The following GAPVD1 variants were observed in gnomAD, a reference collection of about 807,000 sequenced individuals.
The protein encoded by GAPVD1 is GTPase-activating protein and VPS9 domain-containing protein 1.
A neutral mutation model predicts 155.5 loss-of-function variants in GAPVD1; 35 were observed. The ratio of observed to expected loss-of-function variants is 0.23; its 90% CI spans 0.17 to 0.30. The LOEUF (loss-of-function observed/expected upper bound fraction) is 0.30, where lower values mean the gene tolerates loss of function less well. Ranked by LOEUF, GAPVD1 falls within the 10% of genes least tolerant of loss-of-function variation. GAPVD1 has a pLI of 1.00. For synonymous variants in GAPVD1, 636 were observed against 619.7 expected, an observed-to-expected ratio of 1.03 and a Z score of -0.39; for missense variants, 1,429 against 1,775.7, an observed-to-expected ratio of 0.80 and a Z score of 3.51.
chr9:125,283,179 C>A lies in GAPVD1; in HGVS notation c.-149-12279C>A, dbSNP rs370776411. Among the ~76,000 whole-genome samples, 32 of 151,662 alleles carry A rather than the reference C, an allele frequency of 2.1e-4. No individual in the cohort carries two copies. In the East Asian group the frequency reaches 6.0e-3, roughly 29 times the overall value. ...GGTTCAAGCAATTCTCCTGCCTCAG[C>A]CTTCTGAGTAGCTGGGATTACAGGC... On this transcript the variant is annotated intron_variant, in intron 2 of 27. Transcript: ENST00000297933.
Position 125,354,680 on chromosome 9 carries a change from T to A in GAPVD1, c.3596T>A (p.Leu1199His). The A allele has an allele frequency of 6.2e-7, 1 of 1,613,262 alleles. No individual in the cohort carries two copies. ...AAAAGAGCCCCATATATTGCTTATC[T>A]CACTCGTTGTCGACAAGGACTACAG... is the stretch of plus-strand genomic sequence containing the variant. ...YRKRAPYIAY[L>H]TRCRQGLQTT... The change falls in exon 24 of 28, where the codon CTC (leucine) becomes CAC (histidine). Residue 1199 changes from leucine to histidine, a missense_variant. Physicochemically the swap from Leu to His is moderately conservative, Grantham distance 99. Coordinates refer to ENST00000297933, the MANE Select transcript of GAPVD1 (RefSeq NM_001282680.3).
At chr9:125,270,509 A>G (rs954143455) in intron 2 of GAPVD1, among the ~76,000 whole-genome samples, 9 of 152,168 alleles carry the variant, frequency 5.9e-5, no homozygotes, top group Non-Finnish European at 8.8e-5. Context: ...TTCAATATGT[A>G]TTATGATTTT....
At chr9:125,357,912 T>G (rs1436295680) in intron 25 of GAPVD1, among the ~76,000 whole-genome samples, 1 of 150,242 alleles carries the variant, frequency 6.7e-6, no homozygotes, top group Non-Finnish European at 1.5e-5. Context: ...GAGGCAGAGG[T>G]TGCAGAGAGC....
intron 9 of GAPVD1, among the ~76,000 whole-genome samples, chr9:125,319,203 C>T (rs896464794): frequency 2.0e-4 from 6 of 29,728 alleles, no homozygotes; most frequent in East Asian, 2.4e-3. Flanking sequence ...AATAATAATA[C>T]GAAGAACTAA....
chr9:125,318,485 G>GA (rs1243132989), intron 9 of GAPVD1, among the ~76,000 whole-genome samples: 2 of 152,074 alleles, frequency 1.3e-5, no homozygotes, highest in African/African-American at 4.8e-5. Context: ...ATATGATTTG[G>GA]AAAAAATATC....
chr9:125,266,074 C>T lies in GAPVD1; in HGVS notation c.-198-2862C>T, dbSNP rs74348564. Reference sequence around the variant, plus strand: ...AAGATAGGCGTACTCTATAATTTCACGTCTATAAGGGATTATGAATGGGAG... The same window carrying T: ...AAGATAGGCGTACTCTATAATTTCATGTCTATAAGGGATTATGAATGGGAG... On this transcript the variant is annotated intron_variant, in intron 1 of 27. Transcript: ENST00000297933. Among the ~76,000 whole-genome samples the T allele has an allele frequency of 5.0e-4, 75 of 150,152 alleles. No individual in the cohort carries two copies. In the East Asian group the frequency reaches 0.013, roughly 26 times the overall value.
chr9:125,316,075 A>G (rs901760244), intron 9 of GAPVD1, among the ~76,000 whole-genome samples: 2 of 152,226 alleles, frequency 1.3e-5, no homozygotes, highest in East Asian at 1.9e-4. Flanking sequence ...CAGAGGCCAC[A>G]CATGACAGAA....
intron 5 of GAPVD1, among the ~76,000 whole-genome samples, chr9:125,303,499 G>A (rs553822054): frequency 6.6e-6 from 1 of 151,290 alleles, no homozygotes; most frequent in Non-Finnish European, 1.5e-5. Flanking sequence ...AAAATTGGCC[G>A]GGTGCGGTGG....
chr9:125,362,506 G>C (rs887678456), intron 27 of GAPVD1, 100 bp from the exon 28 acceptor site: 9 of 947,962 alleles, frequency 9.5e-6, no homozygotes, highest in Non-Finnish European at 1.4e-5. Flanking sequence ...AAAAGGATTG[G>C]TATGTCTTTC....
At chr9:125,320,858 C>T (rs1442739711) in intron 9 of GAPVD1, among the ~76,000 whole-genome samples, 1 of 152,110 alleles carries the variant, frequency 6.6e-6, no homozygotes, top group African/African-American at 2.4e-5. Flanking sequence ...GATCTCCTGA[C>T]CTCGTGATCT....
intron 9 of GAPVD1, among the ~76,000 whole-genome samples, chr9:125,317,160 A>G (rs955940728): frequency 6.6e-6 from 1 of 152,000 alleles, no homozygotes; most frequent in Admixed American, 6.6e-5. Flanking sequence ...TCGACTAAAA[A>G]TACAAAAATT....
Position 125,365,418 on chromosome 9 carries a change from A to G in GAPVD1, c.*2672A>G, listed in dbSNP as rs1851416705. 6.6e-6 allele frequency: 1 copy of G among 151,872 alleles called. No individual in the cohort carries two copies. Among genetic ancestry groups the G allele is most frequent in the South Asian group, 2.1e-4 (1 of 4,814 alleles). 9.4% of individuals were successfully genotyped at this position (151,872 alleles called of 1,614,324 possible). ...CTTTCTTTACATGAAAGATTAGTGT[A>G]AAAGTACAAAATCAGCCCAGGAAAC... On this transcript the variant is annotated 3_prime_UTR_variant, in exon 28 of 28. Transcript: ENST00000297933.
chr9:125,296,673 A>G (rs984397065), intron 3 of GAPVD1, among the ~76,000 whole-genome samples: 4 of 47,394 alleles, frequency 8.4e-5, no homozygotes, highest in Non-Finnish European at 1.3e-4. Flanking sequence ...TTTTTCTCCT[A>G]TTTTTTTGGA....
intron 2 of GAPVD1, among the ~76,000 whole-genome samples, chr9:125,276,935 T>A (rs895267788): frequency 1.3e-5 from 2 of 151,298 alleles, no homozygotes; most frequent in Non-Finnish European, 2.9e-5. Context: ...ATTTTCTAAA[T>A]TTTTTTTTCG....
chr9:125,350,339 C>G lies in GAPVD1; in HGVS notation c.3344C>G (p.Ser1115Cys). 6.3e-7 allele frequency: 1 copy of G among 1,595,752 alleles called. No homozygotes were observed. Among genetic ancestry groups the G allele is most frequent in the Non-Finnish European group, 8.5e-7 (1 of 1,175,708 alleles). The stretch of plus-strand genomic sequence containing the variant: ...AGGCTTGCTCTTTGCTCTGCGGACT[C>G]TGTTGCCTTCCCAGTGCTGACCCAT... Reference protein sequence around the residue: ...KLRLALCSADSVAFPVLTHST... With the variant: ...KLRLALCSADCVAFPVLTHST... The change falls in exon 22 of 28, where the codon TCT becomes TGT. Residue 1115 changes from serine to cysteine, a missense_variant. Transcript: ENST00000297933.
Position 125,307,486 on chromosome 9 carries a change from A to G in GAPVD1, c.1190A>G (p.Asn397Ser), listed in dbSNP as rs530493964. 51 of 1,611,392 alleles carry G rather than the reference A, an allele frequency of 3.2e-5. No homozygotes were observed. Among genetic ancestry groups the G allele is most frequent in the East Asian group, 6.7e-5 (3 of 44,870 alleles). The change falls in exon 7 of 28, where the codon AAT becomes AGT. Residue 397 changes from asparagine to serine, a missense_variant. Around this residue, in one of 4 missense-constraint regions of GAPVD1, gnomAD observed 628 missense variants for 733.4 expected, o/e 0.86. Transcript: ENST00000297933. ...AVETPPLSSV[N>S]LLEGLSRTVV... ...GAGACCCCTCCATTGTCTTCCGTCA[A>G]TCTTCTGGAAGGATTGAGCAGAACT...
At chr9:125,321,304 C>G in intron 9 of GAPVD1, 129 bp from the exon 10 acceptor site, 1 of 621,818 alleles carries the variant, frequency 1.6e-6, no homozygotes, top group Non-Finnish European at 2.8e-6. Context: ...CTTGACAGAC[C>G]TTCTAAATAG....
intron 19 of GAPVD1, among the ~76,000 whole-genome samples, chr9:125,345,689 A>G (rs1848426057): frequency 6.6e-6 from 1 of 152,168 alleles, no homozygotes; most frequent in South Asian, 2.1e-4. Flanking sequence ...CTTCTGTAAA[A>G]TGAGGATGAT....
At chr9:125,310,005 G>T in intron 8 of GAPVD1, 1 of 457,188 alleles carries the variant, frequency 2.2e-6, no homozygotes, top group Non-Finnish European at 4.6e-6. Flanking sequence ...TAGTAACCCC[G>T]TTTGGTGGGT....
Sources: allele counts gnomAD v4.1 joint callset (sites outside exome capture counted in the v4.1 genomes callset), GRCh38; gene constraint gnomAD v4.1.1; regional missense constraint gnomAD v4.1.1; transcripts MANE v1.5; gene names NCBI Gene and HGNC (gene_info 2026-07-23, HGNC 2026-07-21).